The following CMTM4 variants were observed in gnomAD, a reference collection of about 807,000 sequenced individuals.
CMTM4 encodes CKLF-like MARVEL transmembrane domain-containing protein 4.
Under a neutral mutation model 19.0 loss-of-function variants are expected in CMTM4, and 8 were observed. The observed-to-expected ratio is 0.42, with a 90% CI of 0.25 to 0.76. CMTM4 has a LOEUF of 0.76. Ranked by LOEUF, CMTM4 falls within the 30% of genes least tolerant of loss-of-function variation. The pLI is 0.27. For synonymous variants in CMTM4, 106 were observed against 121.1 expected (o/e 0.88, Z 0.82); for missense variants, 228 against 290.2 (o/e 0.79, Z 1.56).
chr16:66,621,763 C>A lies in CMTM4; in HGVS notation c.*295G>T. ...TCCAAAGTCTTGTTACAAATACACACGACAAGGTGGCTCAGAGTCAAAGGA... is the reference window on the plus strand; with the variant it reads ...TCCAAAGTCTTGTTACAAATACACAAGACAAGGTGGCTCAGAGTCAAAGGA... On this transcript the variant is annotated 3_prime_UTR_variant, in exon 4 of 4. Coordinates refer to ENST00000394106, the MANE Select transcript of CMTM4 (RefSeq NM_181521.3). The A allele has an allele frequency of 2.5e-6, 3 of 1,219,994 alleles. No homozygotes were observed. Among genetic ancestry groups the A allele is most frequent in the East Asian group, 3.8e-5 (1 of 26,132 alleles). 75.6% of individuals were successfully genotyped at this position (1,219,994 alleles called of 1,614,324 possible).
chr16:66,623,085 T>C (rs1190138659), intron 3 of CMTM4, among the ~76,000 whole-genome samples: 2 of 152,198 alleles, frequency 1.3e-5, no homozygotes, highest in Non-Finnish European at 2.9e-5. Flanking sequence ...TCAAGGACTG[T>C]GTTGGAAACG....
chr16:66,620,821 T>C lies in CMTM4; in HGVS notation c.*1237A>G. The C allele has an allele frequency of 1.0e-6, 1 of 985,220 alleles. No individual in the cohort carries two copies. 61.0% of individuals were successfully genotyped at this position (985,220 alleles called of 1,614,324 possible). A position where few individuals can be genotyped will look rare whatever the true frequency, so the allele number is the denominator to read the frequency against. On this transcript the variant is annotated 3_prime_UTR_variant, in exon 4 of 4. Coordinates refer to ENST00000394106, the MANE Select transcript of CMTM4 (RefSeq NM_181521.3). ...AACTTTTTTCCATAAAAGATATAAT[T>C]ACTCTCTAATTTTTTAAAAAAACTA... is the stretch of plus-strand genomic sequence containing the variant.
At chr16:66,687,972 C>T (rs1273283319) in intron 1 of CMTM4, among the ~76,000 whole-genome samples, 2 of 152,074 alleles carry the variant, frequency 1.3e-5, no homozygotes, top group Non-Finnish European at 2.9e-5. Flanking sequence ...CAGGTGTAAG[C>T]CACCGCGCCT....
chr16:66,609,188 A>T, the CMTM4 span, among the ~76,000 whole-genome samples: 1 of 152,292 alleles, frequency 6.6e-6, no homozygotes, highest in South Asian at 2.1e-4. The surrounding 1 kb of genome is among the most constrained non-coding windows in gnomAD (Gnocchi z 4.4). Flanking sequence ...TGATCCACAC[A>T]GTTTTTTGCC....
intron 1 of CMTM4, among the ~76,000 whole-genome samples, chr16:66,656,691 G>A (rs1226840989): frequency 6.6e-6 from 1 of 151,684 alleles, no homozygotes; most frequent in Non-Finnish European, 1.5e-5. Flanking sequence ...GGAGAATCTG[G>A]GCAGACATCC....
At chr16:66,665,435 A>G (rs577391614) in intron 1 of CMTM4, among the ~76,000 whole-genome samples, 1 of 152,248 alleles carries the variant, frequency 6.6e-6, no homozygotes, top group East Asian at 1.9e-4. Flanking sequence ...AAAAAAATGG[A>G]TAAAATTTCT....
intron 1 of CMTM4, among the ~76,000 whole-genome samples, chr16:66,675,062 T>C (rs529301220): frequency 1.0e-3 from 155 of 149,818 alleles, no homozygotes; most frequent in African/African-American, 3.6e-3. Context: ...TATTCTTTTC[T>C]TTACTTAAAA....
rs1421973080 is a variant in CMTM4, at chr16:66,630,351, C to T, written c.363+6054G>A. Among the ~76,000 whole-genome samples the T allele has an allele frequency of 2.3e-5, 3 of 128,988 alleles. No individual in the cohort carries two copies. The East Asian group carries it at 8.3e-4, about 36-fold the overall frequency. 84.6% of individuals were successfully genotyped at this position (128,988 alleles called of 152,430 possible). Reference sequence around the variant, plus strand: ...TCCCTCTCCCTCTCCCCACAGTCTCCCTCTCCCTCTCTTTCCACGGTCTCC... The same window carrying T: ...TCCCTCTCCCTCTCCCCACAGTCTCTCTCTCCCTCTCTTTCCACGGTCTCC... On this transcript the variant is annotated intron_variant, in intron 2 of 3. Coordinates refer to ENST00000394106, the MANE Select transcript of CMTM4 (RefSeq NM_181521.3).
chr16:66,625,306 T>C (rs1264796315), intron 2 of CMTM4, among the ~76,000 whole-genome samples: 1 of 151,938 alleles, frequency 6.6e-6, no homozygotes, highest in African/African-American at 2.4e-5. Context: ...TGGTGGCACA[T>C]GCCTGTAATC....
intron 1 of CMTM4, among the ~76,000 whole-genome samples, chr16:66,648,676 A>C (rs140537077): frequency 1.3e-5 from 2 of 151,296 alleles, no homozygotes; most frequent in African/African-American, 4.9e-5. Context: ...AAAAGAAATA[A>C]ATCTCAGCCC....
chr16:66,693,873 T>C (rs558893531), intron 1 of CMTM4, among the ~76,000 whole-genome samples: 6 of 152,050 alleles, frequency 3.9e-5, no homozygotes, highest in East Asian at 1.9e-4. Flanking sequence ...ATACAAAAAA[T>C]TAGCTGGGCA....
the CMTM4 span, among the ~76,000 whole-genome samples, chr16:66,601,782 C>G: frequency 6.6e-6 from 1 of 152,232 alleles, no homozygotes; most frequent in African/African-American, 2.4e-5. Flanking sequence ...CCTGGGAGGG[C>G]AGGTGGGGGC....
chr16:66,694,155 T>C (rs1596971278), intron 1 of CMTM4, among the ~76,000 whole-genome samples: 1 of 152,150 alleles, frequency 6.6e-6, no homozygotes, highest in Admixed American at 6.6e-5. Flanking sequence ...TACCAAAAAG[T>C]AATGATAAAT....
At position 66,619,288 on chromosome 16, in the gene CMTM4, T is replaced by C. The variant is rs962039735; in HGVS notation, c.*2770A>G. 1.8e-5 allele frequency: 18 copies of C among 985,324 alleles called. No individual in the cohort carries two copies. In the African/African-American group the frequency reaches 2.6e-4, roughly 14 times the overall value. The allele number at this position is 985,324 out of a possible 1,614,324, so 61.0% of individuals were successfully genotyped here. A position where few individuals can be genotyped will look rare whatever the true frequency, so the allele number is the denominator to read the frequency against. On this transcript the variant is annotated 3_prime_UTR_variant, in exon 4 of 4. Coordinates refer to ENST00000394106, the MANE Select transcript of CMTM4 (RefSeq NM_181521.3). ...AAACTTTCTCTGAGGACATCAGTGT[T>C]TGCATCCATCTAAAACCACCAGAGG...
chr16:66,652,752 TTTC>T (rs1240279954), intron 1 of CMTM4, among the ~76,000 whole-genome samples: 1 of 152,204 alleles, frequency 6.6e-6, no homozygotes, highest in Non-Finnish European at 1.5e-5. Context: ...TGCGAAACAT[TTTC>T]TTATTTTTAA....
At position 66,620,903 on chromosome 16, in the gene CMTM4, C is replaced by G; in HGVS notation, c.*1155G>C. The G allele has an allele frequency of 1.3e-5, 13 of 985,788 alleles. No homozygotes were observed. Among genetic ancestry groups the G allele is most frequent in the Non-Finnish European group, 1.6e-5 (13 of 829,942 alleles). 61.1% of individuals were successfully genotyped at this position (985,788 alleles called of 1,614,324 possible). ...CCACACACAATAATCTTCACTTTAT[C>G]AAGAATCAATCAGAAACCTTAAGTA... On this transcript the variant is annotated 3_prime_UTR_variant, in exon 4 of 4. Coordinates refer to ENST00000394106, the MANE Select transcript of CMTM4 (RefSeq NM_181521.3).
chr16:66,618,681 A>G lies in CMTM4; in HGVS notation c.*3377T>C. 1.0e-6 allele frequency: 1 copy of G among 985,504 alleles called. No individual in the cohort carries two copies. The highest frequency in any genetic ancestry group is 1.2e-6 in the Non-Finnish European group (1 of 829,956). 61.0% of individuals were successfully genotyped at this position (985,504 alleles called of 1,614,324 possible). A position where few individuals can be genotyped will look rare whatever the true frequency, so the allele number is the denominator to read the frequency against. Reference sequence around the variant, plus strand: ...TTGGAGCTTGGTCTCCTCAGGCTTAACCCAAGGCTGACTCACTAGGACAGC... The same window carrying G: ...TTGGAGCTTGGTCTCCTCAGGCTTAGCCCAAGGCTGACTCACTAGGACAGC... On this transcript the variant is annotated 3_prime_UTR_variant, in exon 4 of 4. Coordinates refer to ENST00000394106, the MANE Select transcript of CMTM4 (RefSeq NM_181521.3).
intron 1 of CMTM4, among the ~76,000 whole-genome samples, chr16:66,646,574 G>A (rs1224856704): frequency 6.6e-6 from 1 of 151,844 alleles, no homozygotes; most frequent in Non-Finnish European, 1.5e-5. Context: ...TCTACAAAGA[G>A]TATATGTGTT....
the CMTM4 span, among the ~76,000 whole-genome samples, chr16:66,600,410 G>T: frequency 6.6e-6 from 1 of 152,108 alleles, no homozygotes; most frequent in Non-Finnish European, 1.5e-5. Flanking sequence ...CTCCCAAAGT[G>T]CTGGGATTAC....
Sources: gnomAD v4.1 joint callset for allele counts (sites outside exome capture counted in the v4.1 genomes callset) on GRCh38, gnomAD v4.1.1 for gene constraint, Gnocchi (gnomAD v3.1) non-coding constraint, MANE v1.5 for transcripts, NCBI Gene and HGNC (gene_info 2026-07-23, HGNC 2026-07-21) for gene names.